CDYL2: variants seen among roughly 807,000 people sequenced by gnomAD.
CDYL2 encodes the protein chromodomain Y-like protein 2.
CDYL2 carries 23 observed loss-of-function variants against 49.4 expected under a neutral mutation model. The ratio of observed to expected loss-of-function variants is 0.47; its 90% confidence interval spans 0.34 to 0.66. The LOEUF (loss-of-function observed/expected upper bound fraction) is 0.66. Among genes scored for constraint, CDYL2 ranks in the 30% least tolerant of loss-of-function variants. CDYL2 has a pLI of 0.01. For synonymous variants in CDYL2, 360 were observed against 268.8 expected (o/e 1.34, Z -3.32); for missense variants, 678 against 656.4 (o/e 1.03, Z -0.36).
chr16:80,615,148 A>G (rs1351054609), intron 4 of CDYL2, among the ~76,000 whole-genome samples: 1 of 152,144 alleles, frequency 6.6e-6, no homozygotes, highest in Admixed American at 6.5e-5. Context: ...AAAAGGTACT[A>G]CTTCAGAGAG....
chr16:80,715,526 G>C (rs867486174), intron 1 of CDYL2, among the ~76,000 whole-genome samples: 9 of 152,054 alleles, frequency 5.9e-5, no homozygotes, highest in African/African-American at 1.9e-4. Context: ...CCCTGCTGTG[G>C]GACACCAGCT....
At chr16:80,773,863 A>AT (rs200217858) in intron 1 of CDYL2, among the ~76,000 whole-genome samples, 2,181 of 152,156 alleles carry the variant, frequency 0.014, 56 homozygotes, top group African/African-American at 0.05. Context: ...CATGTCAAGA[A>AT]TTTTTTTAAT....
intron 1 of CDYL2, among the ~76,000 whole-genome samples, chr16:80,725,049 C>G (rs531213637): frequency 6.6e-6 from 1 of 152,332 alleles, no homozygotes; most frequent in Admixed American, 6.5e-5. Context: ...CTGGACCACA[C>G]TTCAACTGAG....
At position 80,733,945 on chromosome 16, in the gene CDYL2, C is replaced by T. The variant is rs190354060; in HGVS notation, c.25-48816G>A. On this transcript the variant is annotated intron_variant, in intron 1 of 6. Transcript: ENST00000570137. The stretch of plus-strand genomic sequence containing the variant: ...TGACTCCCCAACAGGATTAAGTCTA[C>T]TCCTCATGGCAAGACCCACAAGGCC... Among the ~76,000 whole-genome samples the T allele has an allele frequency of 1.4e-3, 220 of 152,318 alleles. 3 individuals carry two copies. The highest frequency in any genetic ancestry group is 5.6e-4 in the Non-Finnish European group (38 of 68,028).
At chr16:80,613,845 T>C (rs1429432351) in intron 4 of CDYL2, among the ~76,000 whole-genome samples, 1 of 152,148 alleles carries the variant, frequency 6.6e-6, no homozygotes, top group African/African-American at 2.4e-5. Context: ...AAGAATAAAA[T>C]CCAAATGCCC....
intron 2 of CDYL2, among the ~76,000 whole-genome samples, chr16:80,651,370 T>C (rs964299930): frequency 2.6e-5 from 4 of 152,272 alleles, no homozygotes; most frequent in Middle Eastern, 3.4e-3. Flanking sequence ...ATACCAACTA[T>C]AAAACAGTCT....
chr16:80,629,072 T>C (rs1298304153), intron 3 of CDYL2, among the ~76,000 whole-genome samples: 1 of 152,080 alleles, frequency 6.6e-6, no homozygotes, highest in African/African-American at 2.4e-5. Context: ...GACAGGTATG[T>C]GAGGTGGGCT....
At chr16:80,744,651 A>G (rs938921161) in intron 1 of CDYL2, among the ~76,000 whole-genome samples, 6 of 152,222 alleles carry the variant, frequency 3.9e-5, no homozygotes, top group African/African-American at 1.2e-4. Flanking sequence ...CCCATGTGAT[A>G]GGTAATATTC....
At chr16:80,648,631 T>C (rs1204178753) in intron 2 of CDYL2, among the ~76,000 whole-genome samples, 1 of 151,610 alleles carries the variant, frequency 6.6e-6, no homozygotes, top group African/African-American at 2.4e-5. Flanking sequence ...GAGGAAATAC[T>C]TCCAAACTCA....
At chr16:80,726,226 T>C (rs1905158241) in intron 1 of CDYL2, among the ~76,000 whole-genome samples, 2 of 152,296 alleles carry the variant, frequency 1.3e-5, no homozygotes, top group South Asian at 4.1e-4. Context: ...TGCAAAGGGA[T>C]TTGAGGAACA....
chr16:80,623,298 G>C (rs1462420651), intron 3 of CDYL2, among the ~76,000 whole-genome samples: 2 of 152,172 alleles, frequency 1.3e-5, no homozygotes, highest in African/African-American at 2.4e-5. Context: ...GTTCTGGGGT[G>C]AAATCAATAG....
At position 80,598,495 on chromosome 16, in the gene CDYL2, G is replaced by C. The variant is rs555178769; in HGVS notation, c.*5893C>G. The C allele has an allele frequency of 6.6e-6, 1 of 152,080 alleles. No individual in the cohort carries two copies. The highest frequency in any genetic ancestry group is 1.5e-5 in the Non-Finnish European group (1 of 68,036). 9.4% of individuals were successfully genotyped at this position (152,080 alleles called of 1,614,324 possible). On this transcript the variant is annotated 3_prime_UTR_variant, in exon 7 of 7. Coordinates refer to ENST00000570137, the MANE Select transcript of CDYL2 (RefSeq NM_152342.4). Reference sequence around the variant, plus strand: ...AGACAATTCTTCTCACACCTAACAGGAATTAGAATGGGTCAATGAAGAACA... The same window carrying C: ...AGACAATTCTTCTCACACCTAACAGCAATTAGAATGGGTCAATGAAGAACA...
intron 1 of CDYL2, among the ~76,000 whole-genome samples, chr16:80,785,327 AAC>A (rs755066409): frequency 3.4e-4 from 51 of 152,136 alleles, no homozygotes; most frequent in Non-Finnish European, 6.0e-4. Flanking sequence ...ATAACAGACA[AAC>A]AGAGAGCCAA....
chr16:80,732,224 T>C (rs1905351709), intron 1 of CDYL2, among the ~76,000 whole-genome samples: 1 of 152,196 alleles, frequency 6.6e-6, no homozygotes, highest in African/African-American at 2.4e-5. Context: ...TTTCCACATT[T>C]TAACATCTCT....
chr16:80,616,738 T>C (rs541234330), intron 4 of CDYL2, among the ~76,000 whole-genome samples: 3 of 152,310 alleles, frequency 2.0e-5, no homozygotes, highest in African/African-American at 4.8e-5. Context: ...TGGCTGGAAG[T>C]ACCAGCAGTA....
In CDYL2 at chr16:80,716,916, C is replaced by G. The variant is rs145706259; in HGVS notation, c.25-31787G>C. On this transcript the variant is annotated intron_variant, in intron 1 of 6. Transcript: ENST00000570137. ...ATGGATGGATGGATGATTGAATGGA[C>G]AGATGGATAGACAGATGAATGGATA... 2.5e-4 allele frequency among the ~76,000 whole-genome samples: 35 copies of G among 142,816 alleles called. No individual in the cohort carries two copies. The East Asian group carries it at 5.4e-3, about 22-fold the overall frequency. 93.7% of individuals were successfully genotyped at this position (142,816 alleles called of 152,430 possible). A position where few individuals can be genotyped will look rare whatever the true frequency, so the allele number is the denominator to read the frequency against.
rs376872320 is a variant in CDYL2 at position 80,734,379 on chromosome 16, G to A, written c.25-49250C>T. Among the ~76,000 whole-genome samples, 58 of 152,284 alleles carry A rather than the reference G, an allele frequency of 3.8e-4. No homozygotes were observed. The South Asian group carries it at 6.8e-3, about 18-fold the overall frequency. On this transcript the variant is annotated intron_variant, in intron 1 of 6. Coordinates refer to ENST00000570137, the MANE Select transcript of CDYL2 (RefSeq NM_152342.4). ...TTTGAGGAACACTTTCCATAGGCAC[G>A]AGGTTGAGATAGTTAAGACAGATCC...
chr16:80,644,756 A>G (rs1908258766), intron 2 of CDYL2, among the ~76,000 whole-genome samples: 2 of 152,352 alleles, frequency 1.3e-5, no homozygotes, highest in South Asian at 4.1e-4. Context: ...AGTCTATAGT[A>G]ACCAAAACAG....
intron 2 of CDYL2, among the ~76,000 whole-genome samples, chr16:80,663,006 A>G (rs960389775): frequency 8.6e-5 from 13 of 151,984 alleles, no homozygotes; most frequent in African/African-American, 2.7e-4. Context: ...CACTAGACTT[A>G]CAATGGAGGA....
Sources: allele counts gnomAD v4.1 joint callset (sites outside exome capture counted in the v4.1 genomes callset), GRCh38; gene constraint gnomAD v4.1.1; transcripts MANE v1.5; gene names NCBI Gene and HGNC (gene_info 2026-07-23, HGNC 2026-07-21).